CDH13: variants seen among roughly 807,000 people sequenced by gnomAD.
CDH13 encodes cadherin 13, also known as cadherin-13.
CDH13 carries 24 observed loss-of-function variants against 63.8 expected under a neutral mutation model. The observed-to-expected ratio is 0.38, with a 90% CI of 0.27 to 0.53. CDH13 has a LOEUF of 0.53. CDH13 is among the 20% of genes least tolerant of loss of function. CDH13 has a pLI of 0.85. For synonymous variants in CDH13, 503 were observed against 355.3 expected (o/e 1.42, Z -4.67); for missense variants, 1,049 against 903.1 (o/e 1.16, Z -2.07).
chr16:82,876,528 A>C (rs1216542651), intron 2 of CDH13, among the ~76,000 whole-genome samples: 1 of 152,224 alleles, frequency 6.6e-6, no homozygotes, highest in African/African-American at 2.4e-5. Flanking sequence ...GCTTTTAAAA[A>C]AATAGATGGA....
rs1371497003 is a variant in CDH13, at chr16:82,885,494, T to C, written c.157+27021T>C. Among the ~76,000 whole-genome samples the C allele has an allele frequency of 2.7e-4, 24 of 89,324 alleles. 1 individual carries two copies. The East Asian group carries it at 4.7e-3, about 18-fold the overall frequency. 58.6% of individuals were successfully genotyped at this position (89,324 alleles called of 152,430 possible). On this transcript the variant is annotated intron_variant, in intron 2 of 13. Transcript: ENST00000567109. The stretch of plus-strand genomic sequence containing the variant: ...ATCCATCCATCCACCCATCCATCCA[T>C]CCATCCACCCATCCATCTATCCATT...
At chr16:83,779,015 A>G (rs1915317779) in intron 11 of CDH13, among the ~76,000 whole-genome samples, 1 of 152,212 alleles carries the variant, frequency 6.6e-6, no homozygotes, top group Non-Finnish European at 1.5e-5. Flanking sequence ...ATTTATCTCC[A>G]TTCTTTGAAT....
intron 1 of CDH13, among the ~76,000 whole-genome samples, chr16:82,808,147 T>A (rs781047281): frequency 6.6e-6 from 1 of 152,184 alleles, no homozygotes; most frequent in Non-Finnish European, 1.5e-5. Context: ...TGCATATGTT[T>A]CCTTGTTTGC....
intron 2 of CDH13, among the ~76,000 whole-genome samples, chr16:83,005,519 T>C (rs1267039736): frequency 6.6e-6 from 1 of 152,194 alleles, no homozygotes; most frequent in Non-Finnish European, 1.5e-5. Context: ...ATGCCCAATT[T>C]CTGTGTAGAG....
intron 1 of CDH13, among the ~76,000 whole-genome samples, chr16:82,853,995 G>T (rs145019913): frequency 3.3e-4 from 51 of 152,304 alleles, no homozygotes; most frequent in Middle Eastern, 3.4e-3. Flanking sequence ...GCAATGAGGG[G>T]TGCTGCTTTA....
chr16:83,319,516 C>T (rs938333776), intron 5 of CDH13, among the ~76,000 whole-genome samples: 3 of 152,144 alleles, frequency 2.0e-5, no homozygotes, highest in African/African-American at 4.8e-5. Context: ...AATTGAATAT[C>T]GGAGAACAGT....
chr16:83,564,402 T>G (rs2075757471), intron 7 of CDH13, among the ~76,000 whole-genome samples: 1 of 3,654 alleles, frequency 2.7e-4, no homozygotes, highest in Non-Finnish European at 6.9e-4. Flanking sequence ...ATGACTCTTT[T>G]TTTTTTTTTT....
chr16:83,453,744 TA>T (rs1353293037), intron 6 of CDH13, among the ~76,000 whole-genome samples: 93 of 137,504 alleles, frequency 6.8e-4, no homozygotes, highest in South Asian at 2.1e-3. Flanking sequence ...GGAAACTCTT[TA>T]TCCACCATGT....
chr16:83,355,999 G>T (rs748087497), intron 6 of CDH13, among the ~76,000 whole-genome samples: 1 of 152,110 alleles, frequency 6.6e-6, no homozygotes, highest in Non-Finnish European at 1.5e-5. Context: ...AGGTGACTCC[G>T]CCGTGGTCAC....
chr16:83,120,512 C>G (rs751767325), intron 3 of CDH13, among the ~76,000 whole-genome samples: 1 of 152,150 alleles, frequency 6.6e-6, no homozygotes, highest in Non-Finnish European at 1.5e-5. Context: ...GAACTGAGGC[C>G]TATGTTTGCT....
chr16:82,686,878 A>T (rs1211485547), intron 1 of CDH13, among the ~76,000 whole-genome samples: 1 of 152,228 alleles, frequency 6.6e-6, no homozygotes, highest in Non-Finnish European at 1.5e-5. Flanking sequence ...TACTCAAGCT[A>T]CAACAGGAGA....
intron 2 of CDH13, among the ~76,000 whole-genome samples, chr16:82,886,120 GTTTC>G (rs1304555286): frequency 2.0e-5 from 3 of 151,986 alleles, no homozygotes; most frequent in Non-Finnish European, 4.4e-5. Flanking sequence ...CATTTTAAAG[GTTTC>G]TTTAATAGCT....
Position 83,308,543 on chromosome 16 carries a change from A to T in CDH13, c.637-36319A>T, listed in dbSNP as rs77090056. 4.2e-3 allele frequency among the ~76,000 whole-genome samples: 644 copies of T among 152,338 alleles called. 17 individuals are homozygous for T. The highest frequency in any genetic ancestry group is 0.031 in the Admixed American group (474 of 15,304). Reference sequence around the variant, plus strand: ...ATAAGGCAAATGGCAACAAAAACACACTAGAGATTACAAAGCCAACGTCAC... The same window carrying T: ...ATAAGGCAAATGGCAACAAAAACACTCTAGAGATTACAAAGCCAACGTCAC... On this transcript the variant is annotated intron_variant, in intron 5 of 13. Transcript: ENST00000567109.
At chr16:82,985,729 C>G (rs898314974) in intron 2 of CDH13, among the ~76,000 whole-genome samples, 1 of 152,048 alleles carries the variant, frequency 6.6e-6, no homozygotes, top group African/African-American at 2.4e-5. Context: ...ATTGCAATCC[C>G]CAGCATTGGA....
intron 4 of CDH13, among the ~76,000 whole-genome samples, chr16:83,128,961 T>G (rs2035931595): frequency 1.3e-5 from 2 of 152,262 alleles, no homozygotes; most frequent in African/African-American, 4.8e-5. Flanking sequence ...TTTGTAGAAT[T>G]ACTGCACTGC....
At chr16:82,720,499 G>A (rs987342350) in intron 1 of CDH13, among the ~76,000 whole-genome samples, 4 of 151,990 alleles carry the variant, frequency 2.6e-5, no homozygotes, top group African/African-American at 9.7e-5. Context: ...TCCATCGCAG[G>A]GCACACTTAC....
chr16:83,605,144 C>T (rs561871996), intron 8 of CDH13, among the ~76,000 whole-genome samples: 2 of 152,278 alleles, frequency 1.3e-5, no homozygotes, highest in South Asian at 4.1e-4. Flanking sequence ...AAAGCACACA[C>T]ATTTTCTTCA....
At chr16:83,324,029 T>TTCC (rs71775311) in intron 5 of CDH13, among the ~76,000 whole-genome samples, 11 of 24,214 alleles carry the variant, frequency 4.5e-4, no homozygotes, top group Non-Finnish European at 4.1e-4. Context: ...ACAGGTTTAT[T>TTCC]TCTTCTTCTT....
chr16:83,680,159 G>C (rs746259297), intron 10 of CDH13, among the ~76,000 whole-genome samples: 1 of 152,218 alleles, frequency 6.6e-6, no homozygotes, highest in Non-Finnish European at 1.5e-5. Flanking sequence ...CTAGGTCACA[G>C]GAACAGACAG....
Sources: gnomAD v4.1 joint callset for allele counts (sites outside exome capture counted in the v4.1 genomes callset) on GRCh38, gnomAD v4.1.1 for gene constraint, MANE v1.5 for transcripts, NCBI Gene and HGNC (gene_info 2026-07-23, HGNC 2026-07-21) for gene names.